DPP6: variants seen among roughly 807,000 people sequenced by gnomAD.
The protein encoded by DPP6 is A-type potassium channel modulatory protein DPP6.
DPP6 carries 69 observed loss-of-function variants against 122.6 expected under a neutral mutation model. The observed-to-expected ratio is 0.56, with a 90% CI of 0.46 to 0.69. The LOEUF (loss-of-function observed/expected upper bound fraction) is 0.69, where lower values mean the gene tolerates loss of function less well. DPP6 is among the 30% of genes least tolerant of loss of function. The pLI, the probability that DPP6 is intolerant of heterozygous loss-of-function variation, is 0.00. For synonymous variants in DPP6, 418 were observed against 433.1 expected (o/e 0.97, Z 0.43); for missense variants, 928 against 1,116.9 (o/e 0.83, Z 2.41).
At chr7:154,705,818 G>A (rs974075758) in intron 7 of DPP6, among the ~76,000 whole-genome samples, 2 of 152,256 alleles carry the variant, frequency 1.3e-5, no homozygotes, top group Non-Finnish European at 2.9e-5. Context: ...CATTAATCCA[G>A]TGAATATGAT....
chr7:154,806,450 G>C (rs1310293235), intron 15 of DPP6, among the ~76,000 whole-genome samples: 1 of 152,206 alleles, frequency 6.6e-6, no homozygotes, highest in Non-Finnish European at 1.5e-5. Context: ...GCTCCGTTGA[G>C]TGGGAAGCGC....
chr7:154,586,747 C>T (rs1832480264), intron 5 of DPP6, among the ~76,000 whole-genome samples: 1 of 152,208 alleles, frequency 6.6e-6, no homozygotes, highest in Non-Finnish European at 1.5e-5. Flanking sequence ...CTGTTTCCTC[C>T]ACCTGGATCT....
intron 5 of DPP6, among the ~76,000 whole-genome samples, chr7:154,629,572 A>T (rs1173925427): frequency 6.6e-6 from 1 of 152,080 alleles, no homozygotes; most frequent in Non-Finnish European, 1.5e-5. Context: ...TTCTAGCTTA[A>T]GAAAATCTGA....
At chr7:154,255,740 C>T (rs573329640) in intron 1 of DPP6, among the ~76,000 whole-genome samples, 42 of 152,306 alleles carry the variant, frequency 2.8e-4, no homozygotes, top group African/African-American at 1.0e-3. Flanking sequence ...TATGCCACAG[C>T]GCTTGAATGT....
intron 1 of DPP6, among the ~76,000 whole-genome samples, chr7:153,925,358 C>G (rs974519687): frequency 6.6e-6 from 1 of 151,202 alleles, no homozygotes; most frequent in African/African-American, 2.4e-5. Context: ...GGTTGAGGGT[C>G]CCTGCAGTTC....
chr7:154,815,338 C>T (rs1349236556), intron 16 of DPP6, among the ~76,000 whole-genome samples: 1 of 152,242 alleles, frequency 6.6e-6, no homozygotes, highest in Non-Finnish European at 1.5e-5. Flanking sequence ...AATTCACAGT[C>T]AAGTGGCATA....
intron 8 of DPP6, among the ~76,000 whole-genome samples, chr7:154,765,431 T>C (rs1268653988): frequency 1.3e-5 from 2 of 152,228 alleles, no homozygotes; most frequent in Non-Finnish European, 2.9e-5. Flanking sequence ...TGGTCACCTC[T>C]TCATCTGTCA....
In DPP6 at chr7:154,674,247, G is replaced by A. The variant is rs533665292; in HGVS notation, c.762+4806G>A. On this transcript the variant is annotated intron_variant, in intron 7 of 25. Coordinates refer to ENST00000377770, the MANE Select transcript of DPP6 (RefSeq NM_130797.4). ...CCATGTGTTTGTCTGTTTATGGGAG[G>A]TTTTGTTTCTGCTGACCTAGAATGT... Among the ~76,000 whole-genome samples, 11 of 152,240 alleles carry A rather than the reference G, an allele frequency of 7.2e-5. No individual in the cohort carries two copies. The South Asian group carries it at 2.1e-3, about 29-fold the overall frequency.
chr7:154,480,956 T>C (rs1586405043), intron 3 of DPP6, among the ~76,000 whole-genome samples: 1 of 152,196 alleles, frequency 6.6e-6, no homozygotes, highest in East Asian at 1.9e-4. Flanking sequence ...TCCTGCCAGC[T>C]CTGCCTTCAG....
chr7:154,466,696 G>T (rs1405555092), intron 2 of DPP6, among the ~76,000 whole-genome samples: 2 of 152,168 alleles, frequency 1.3e-5, no homozygotes, highest in African/African-American at 4.8e-5. Context: ...ATATGGATTT[G>T]TTGGTACGTA....
intron 6 of DPP6, among the ~76,000 whole-genome samples, chr7:154,638,433 C>T (rs1311835099): frequency 2.0e-5 from 3 of 152,092 alleles, no homozygotes; most frequent in East Asian, 1.9e-4. Flanking sequence ...GTTTCAGCGG[C>T]GTGTTGTTCT....
At position 154,893,827 on chromosome 7, in the gene DPP6, T is replaced by G. The variant is rs1806840737; in HGVS notation, c.*1347T>G. 1 of 152,168 alleles carries G rather than the reference T, an allele frequency of 6.6e-6. No homozygotes were observed. The highest frequency in any genetic ancestry group is 1.5e-5 in the Non-Finnish European group (1 of 68,048). The allele number at this position is 152,168 out of a possible 1,614,324, so 9.4% of individuals were successfully genotyped here. A position where few individuals can be genotyped will look rare whatever the true frequency, so the allele number is the denominator to read the frequency against. On this transcript the variant is annotated 3_prime_UTR_variant, in exon 26 of 26. Transcript: ENST00000377770. ...CTGTGGCCGATCTGGACTCTAGAAG[T>G]GCTAGTTTGAAATATATCCATTACT...
chr7:154,151,889 A>G (rs955486842), intron 1 of DPP6, among the ~76,000 whole-genome samples: 3 of 151,740 alleles, frequency 2.0e-5, no homozygotes, highest in Admixed American at 2.0e-4. Context: ...GCATGCTTTT[A>G]AAGAGGCTTT....
At chr7:154,003,048 G>GA (rs1237000074) in intron 1 of DPP6, among the ~76,000 whole-genome samples, 1 of 152,170 alleles carries the variant, frequency 6.6e-6, no homozygotes, top group Non-Finnish European at 1.5e-5. Flanking sequence ...GCAAAAGGAT[G>GA]AAGTGTGATT....
intron 1 of DPP6, among the ~76,000 whole-genome samples, chr7:154,317,206 T>G (rs1030471207): frequency 6.6e-6 from 1 of 152,090 alleles, no homozygotes; most frequent in Non-Finnish European, 1.5e-5. Flanking sequence ...TGCTTGAAAT[T>G]GGACAGAAAG....
At chr7:154,768,308 T>G (rs989276017) in intron 8 of DPP6, among the ~76,000 whole-genome samples, 1 of 152,252 alleles carries the variant, frequency 6.6e-6, no homozygotes, top group Non-Finnish European at 1.5e-5. Context: ...GCCCTTGGCT[T>G]CCTTCCAATT....
At chr7:154,575,153 GGTCT>G (rs1831479008) in intron 5 of DPP6, among the ~76,000 whole-genome samples, 2 of 136,156 alleles carry the variant, frequency 1.5e-5, no homozygotes, top group South Asian at 2.5e-4. Flanking sequence ...ATGTGTGTGT[GGTCT>G]GTGTGTATGT....
chr7:154,313,685 G>GTGTGTGTGTGTGTGTATATATATA, intron 1 of DPP6, among the ~76,000 whole-genome samples: 5 of 20,476 alleles, frequency 2.4e-4, no homozygotes, highest in African/African-American at 5.1e-4. Flanking sequence ...TTAAGATATG[G>GTGTGTGTGTGTGTGTATATATATA]TATATATATA....
chr7:154,673,504 G>A (rs368846875), intron 7 of DPP6, among the ~76,000 whole-genome samples: 41 of 152,300 alleles, frequency 2.7e-4, no homozygotes, highest in African/African-American at 9.6e-4. Flanking sequence ...TGCAGGGGGA[G>A]TGGCCTGTGT....
Sources: gnomAD v4.1 joint callset for allele counts (sites outside exome capture counted in the v4.1 genomes callset) on GRCh38, gnomAD v4.1.1 for gene constraint, MANE v1.5 for transcripts, NCBI Gene and HGNC (gene_info 2026-07-23, HGNC 2026-07-21) for gene names.